The following ARHGEF26 variants were observed in gnomAD, a reference collection of about 807,000 sequenced individuals.
ARHGEF26 encodes Rho guanine nucleotide exchange factor (GEF) 26.
ARHGEF26 carries 59 observed loss-of-function variants against 89.4 expected under a neutral mutation model. The observed-to-expected ratio is 0.66, with a 90% CI of 0.54 to 0.82. ARHGEF26 has a LOEUF of 0.82. ARHGEF26 is among the 40% of genes least tolerant of loss of function. The pLI is 0.00. For missense variants in ARHGEF26, 1,234 were observed against 1,085.6 expected, an observed-to-expected ratio of 1.14 and a Z score of -1.92; for synonymous variants, 500 against 428.4, an observed-to-expected ratio of 1.17 and a Z score of -2.06.
intron 12 of ARHGEF26, among the ~76,000 whole-genome samples, chr3:154,242,748 T>C (rs771378893): frequency 3.0e-4 from 46 of 152,118 alleles, no homozygotes; most frequent in Non-Finnish European, 5.7e-4. Flanking sequence ...TGCAGCAAAC[T>C]TCACTGTGGT....
At chr3:154,169,735 C>T (rs1437110189) in intron 6 of ARHGEF26, among the ~76,000 whole-genome samples, 1 of 152,212 alleles carries the variant, frequency 6.6e-6, no homozygotes, top group South Asian at 2.1e-4. Context: ...GTGCCATTGG[C>T]GTGAGTTCAT....
In ARHGEF26 at chr3:154,256,989, C is replaced by T. The variant is rs1718564849; in HGVS notation, c.*1516C>T. On this transcript the variant is annotated 3_prime_UTR_variant, in exon 15 of 15. Transcript: ENST00000465093. Reference sequence around the variant, plus strand: ...TCCCTCTCTGTTCTATTTGCTTTAACAAAGGGATAAAACCTGGCAAAGTGT... The same window carrying T: ...TCCCTCTCTGTTCTATTTGCTTTAATAAAGGGATAAAACCTGGCAAAGTGT... 6.6e-7 allele frequency: 1 copy of T among 1,518,560 alleles called. No homozygotes were observed. Among genetic ancestry groups the T allele is most frequent in the South Asian group, 1.2e-5 (1 of 80,622 alleles). 94.1% of individuals were successfully genotyped at this position (1,518,560 alleles called of 1,614,324 possible). A position where few individuals can be genotyped will look rare whatever the true frequency, so the allele number is the denominator to read the frequency against.
chr3:154,211,896 A>T (rs180857031), intron 9 of ARHGEF26, among the ~76,000 whole-genome samples: 1 of 148,906 alleles, frequency 6.7e-6, no homozygotes, highest in East Asian at 2.0e-4. Context: ...TATTTTATTG[A>T]TATGTAGAAA....
chr3:154,191,408 T>A lies in ARHGEF26; in HGVS notation c.1760T>A (p.Leu587Gln). 1 of 1,613,808 alleles carries A rather than the reference T, an allele frequency of 6.2e-7. No individual in the cohort carries two copies. The highest frequency in any genetic ancestry group is 8.5e-7 in the Non-Finnish European group (1 of 1,179,792). ...LPMQRVTRLP[L>Q]LMDTICQKTP... The stretch of plus-strand genomic sequence containing the variant: ...ATGCAGAGGGTGACCCGCCTTCCCC[T>A]GCTGATGGATGTAAGACATGACGGT... The change falls in exon 8 of 15, where the codon CTG becomes CAG. Residue 587 changes from leucine to glutamine, a missense_variant. Transcript: ENST00000465093.
intron 8 of ARHGEF26, among the ~76,000 whole-genome samples, chr3:154,193,602 C>G (rs766152828): frequency 1.1e-4 from 17 of 152,136 alleles, no homozygotes; most frequent in Non-Finnish European, 2.1e-4. Context: ...AATAGTGTCT[C>G]TTCAATTTTA....
At chr3:154,149,467 G>A in intron 5 of ARHGEF26, 22 bp downstream of exon 5, 1 of 1,596,946 alleles carries the variant, frequency 6.3e-7, no homozygotes, top group Admixed American at 1.7e-5. Context: ...CCGAGCAGCT[G>A]CTTTAGAGCT....
intron 13 of ARHGEF26, among the ~76,000 whole-genome samples, chr3:154,253,840 T>C (rs143156737): frequency 1.3e-5 from 2 of 152,320 alleles, no homozygotes; most frequent in African/African-American, 2.4e-5. Context: ...TCAAAAATTA[T>C]AGCTTTAAGC....
chr3:154,251,303 C>G (rs1178509479), intron 12 of ARHGEF26, among the ~76,000 whole-genome samples: 1 of 152,096 alleles, frequency 6.6e-6, no homozygotes, highest in African/African-American at 2.4e-5. Context: ...ATGATACTTG[C>G]AATTGTTTAG....
At chr3:154,220,008 A>G (rs1359634902) in intron 10 of ARHGEF26, among the ~76,000 whole-genome samples, 8 of 152,220 alleles carry the variant, frequency 5.3e-5, no homozygotes, top group Non-Finnish European at 1.0e-4. Context: ...TGATTAAAAT[A>G]TTTGCGAGCA....
At chr3:154,126,855 C>T (rs530932494) in intron 3 of ARHGEF26, among the ~76,000 whole-genome samples, 4 of 152,192 alleles carry the variant, frequency 2.6e-5, no homozygotes, top group Non-Finnish European at 5.9e-5. Context: ...TGTTGTTGTG[C>T]AAATATCACA....
chr3:154,170,384 AAAAC>A (rs1195356658), intron 6 of ARHGEF26, among the ~76,000 whole-genome samples: 26 of 152,242 alleles, frequency 1.7e-4, no homozygotes, highest in Admixed American at 3.3e-4. Context: ...AAGAAAAGAA[AAAAC>A]AAACAAACCC....
chr3:154,169,466 C>A (rs1320616982), intron 6 of ARHGEF26, among the ~76,000 whole-genome samples: 1 of 151,966 alleles, frequency 6.6e-6, no homozygotes, highest in East Asian at 1.9e-4. Context: ...AAGTGTCCTT[C>A]TGATGGTCGA....
In ARHGEF26 at chr3:154,217,280, G is replaced by A. The variant is rs575043547; in HGVS notation, c.1846-589G>A. Reference sequence around the variant, plus strand: ...TGGTTTTGATTTGCATTTCTCTGATGGCCAGTGATGATGAGCATTTTTTCA... The same window carrying A: ...TGGTTTTGATTTGCATTTCTCTGATAGCCAGTGATGATGAGCATTTTTTCA... On this transcript the variant is annotated intron_variant, in intron 9 of 14. Transcript: ENST00000465093. Among the ~76,000 whole-genome samples the A allele has an allele frequency of 5.5e-3, 829 of 151,380 alleles. 3 individuals are homozygous for A. The highest frequency in any genetic ancestry group is 0.014 in the Middle Eastern group (4 of 292).
intron 4 of ARHGEF26, among the ~76,000 whole-genome samples, chr3:154,134,849 GT>G (rs1472695187): frequency 1.3e-5 from 2 of 151,626 alleles, no homozygotes; most frequent in African/African-American, 2.4e-5. Flanking sequence ...CATGGTTTTT[GT>G]CTTTAGTTCT....
chr3:154,251,382 G>A (rs1718135628), intron 12 of ARHGEF26, among the ~76,000 whole-genome samples: 1 of 152,200 alleles, frequency 6.6e-6, no homozygotes, highest in South Asian at 2.1e-4. Context: ...CCATTCTGGA[G>A]TTTATAGCCT....
At chr3:154,132,481 T>C (rs1420608473) in intron 4 of ARHGEF26, among the ~76,000 whole-genome samples, 1 of 152,130 alleles carries the variant, frequency 6.6e-6, no homozygotes, top group African/African-American at 2.4e-5. Context: ...AAAGTAGATA[T>C]TTTAACACCA....
intron 9 of ARHGEF26, among the ~76,000 whole-genome samples, chr3:154,201,476 G>A (rs1247424479): frequency 1.3e-5 from 2 of 152,134 alleles, no homozygotes; most frequent in Non-Finnish European, 2.9e-5. Flanking sequence ...ATGTGCATGT[G>A]TCTTTATAGC....
rs112499831 is a variant in ARHGEF26, at chr3:154,252,893, A to G, written c.2301-223A>G. Among the ~76,000 whole-genome samples, 226 of 145,618 alleles carry G rather than the reference A, an allele frequency of 1.6e-3. 2 individuals are homozygous for G. The highest frequency in any genetic ancestry group is 5.4e-3 in the African/African-American group (216 of 39,736). ...TATGGGAAGTTCCTTTTAATCAATA[A>G]TGAGCCAAGTTCATTCAGACTCTTT... On this transcript the variant is annotated intron_variant, in intron 12 of 14. Transcript: ENST00000465093.
intron 13 of ARHGEF26, 60 bp from the exon 14 acceptor site, chr3:154,254,660 T>C (rs1718367603): frequency 7.6e-7 from 1 of 1,307,742 alleles, no homozygotes; most frequent in African/African-American, 1.5e-5. Flanking sequence ...TGTACATTAT[T>C]GGATTGCACA....
Sources: allele counts gnomAD v4.1 joint callset (sites outside exome capture counted in the v4.1 genomes callset), GRCh38; gene constraint gnomAD v4.1.1; transcripts MANE v1.5; gene names NCBI Gene and HGNC (gene_info 2026-07-23, HGNC 2026-07-21).